The following UBR3 variants were observed in gnomAD, a reference collection of about 807,000 sequenced individuals.
UBR3 encodes the protein ubiquitin protein ligase E3 component n-recognin 3, also known as E3 ubiquitin-protein ligase UBR3.
A neutral mutation model predicts 243.2 loss-of-function variants in UBR3; 85 were observed. The ratio of observed to expected loss-of-function variants is 0.35; its 90% confidence interval spans 0.29 to 0.42. UBR3 has a LOEUF of 0.42. UBR3 is among the 10% of genes least tolerant of loss of function. The pLI is 1.00. For missense variants in UBR3, 1,686 were observed against 2,300.8 expected, an observed-to-expected ratio of 0.73 and a Z score of 5.47; for synonymous variants, 748 against 799.8, an observed-to-expected ratio of 0.94 and a Z score of 1.09.
At chr2:169,983,808 C>T (rs1186662801) in intron 24 of UBR3, among the ~76,000 whole-genome samples, 2 of 152,078 alleles carry the variant, frequency 1.3e-5, no homozygotes, top group African/African-American at 4.8e-5. Flanking sequence ...TTAACTATTG[C>T]TTTAGTTATC....
At chr2:169,829,769 T>A (rs560501486) in intron 1 of UBR3, among the ~76,000 whole-genome samples, 1 of 152,010 alleles carries the variant, frequency 6.6e-6, no homozygotes, top group Non-Finnish European at 1.5e-5. Context: ...TAAAAGTACT[T>A]TTTAAAATTT....
At chr2:169,933,904 CA>C (rs34033756) in intron 19 of UBR3, among the ~76,000 whole-genome samples, 2 of 152,118 alleles carry the variant, frequency 1.3e-5, no homozygotes, top group Non-Finnish European at 2.9e-5. Context: ...ACAACAACAA[CA>C]ACCCAGTTCA....
chr2:169,946,445 C>T, intron 21 of UBR3, 53 bp downstream of exon 21: 3 of 990,414 alleles, frequency 3.0e-6, no homozygotes, highest in Non-Finnish European at 4.4e-6. Flanking sequence ...CTATCTGGCT[C>T]CAACCAATTG....
chr2:169,909,519 A>T (rs2085166230), intron 10 of UBR3, among the ~76,000 whole-genome samples: 1 of 152,122 alleles, frequency 6.6e-6, no homozygotes, highest in Non-Finnish European at 1.5e-5. Flanking sequence ...GGAAATGGGG[A>T]GATTTTGACT....
At chr2:170,063,089 A>G (rs2091485757) in intron 35 of UBR3, among the ~76,000 whole-genome samples, 1 of 152,178 alleles carries the variant, frequency 6.6e-6, no homozygotes, top group South Asian at 2.1e-4. Context: ...TGAAGAATAG[A>G]CAGATGGGAA....
chr2:170,054,203 C>T (rs1351780905), intron 32 of UBR3, among the ~76,000 whole-genome samples: 1 of 151,872 alleles, frequency 6.6e-6, no homozygotes, highest in East Asian at 1.9e-4. Context: ...TCTTGGATTA[C>T]TATAGCCTTC....
At chr2:170,005,020 G>A (rs1205798614) in intron 27 of UBR3, among the ~76,000 whole-genome samples, 2 of 152,130 alleles carry the variant, frequency 1.3e-5, no homozygotes, top group African/African-American at 4.8e-5. Flanking sequence ...TCAGGAGATC[G>A]AGACCATCCT....
intron 1 of UBR3, among the ~76,000 whole-genome samples, chr2:169,831,218 G>A (rs138236036): frequency 3.0e-4 from 39 of 131,160 alleles, no homozygotes; most frequent in African/African-American, 1.1e-3. Context: ...TTGGCTCACC[G>A]CAACCTCTGC....
chr2:169,845,615 G>A (rs1489746953), intron 1 of UBR3, among the ~76,000 whole-genome samples: 2 of 144,580 alleles, frequency 1.4e-5, no homozygotes, highest in South Asian at 2.2e-4. Context: ...ATGGGGTCTC[G>A]CTCTGTCACC....
At chr2:169,858,896 G>A (rs1218527523) in intron 1 of UBR3, among the ~76,000 whole-genome samples, 1 of 151,990 alleles carries the variant, frequency 6.6e-6, no homozygotes, top group Admixed American at 6.6e-5. Context: ...CATTGTGCCC[G>A]GCCTCATTTA....
chr2:170,080,044 C>A lies in UBR3; in HGVS notation c.5409+21C>A, dbSNP rs549986600. ...TACTGGTAAGCAATAGTAGATAATACAAAATTTATGAAAACACAGATCTCA... is the reference window on the plus strand; with the variant it reads ...TACTGGTAAGCAATAGTAGATAATAAAAAATTTATGAAAACACAGATCTCA... On this transcript the variant is annotated intron_variant, in intron 37 of 38. Transcript: ENST00000272793. 2.5e-6 allele frequency: 4 copies of A among 1,590,932 alleles called. No individual in the cohort carries two copies. In the East Asian group the frequency reaches 6.7e-5, roughly 27 times the overall value.
At chr2:169,979,622 A>G (rs1202293034) in intron 24 of UBR3, among the ~76,000 whole-genome samples, 2 of 152,216 alleles carry the variant, frequency 1.3e-5, no homozygotes, top group Non-Finnish European at 2.9e-5. Flanking sequence ...TCTTAAATAC[A>G]TACCGCTTAG....
chr2:170,017,949 A>G (rs2090293205), intron 30 of UBR3, among the ~76,000 whole-genome samples: 1 of 152,214 alleles, frequency 6.6e-6, no homozygotes, highest in Non-Finnish European at 1.5e-5. Context: ...TTTCATAGAA[A>G]AGGAATCTCA....
intron 5 of UBR3, among the ~76,000 whole-genome samples, chr2:169,881,815 A>G (rs1344625609): frequency 7.2e-6 from 1 of 138,742 alleles, no homozygotes; most frequent in Non-Finnish European, 1.5e-5. Context: ...TATAATATAC[A>G]TATAATTATA....
Position 169,891,249 on chromosome 2 carries a change from T to C in UBR3, c.1105+18T>C. 1 of 1,537,294 alleles carries C rather than the reference T, an allele frequency of 6.5e-7. No individual in the cohort carries two copies. Among genetic ancestry groups the C allele is most frequent in the Non-Finnish European group, 8.8e-7 (1 of 1,136,994 alleles). Reference sequence around the variant, plus strand: ...CACCAAAGGTATTTGTATTTATTATTATTTTTTTCCTTGAATAAAATGCTT... The same window carrying C: ...CACCAAAGGTATTTGTATTTATTATCATTTTTTTCCTTGAATAAAATGCTT... On this transcript the variant is annotated intron_variant, in intron 6 of 38. Coordinates refer to ENST00000272793, the MANE Select transcript of UBR3 (RefSeq NM_172070.4).
intron 10 of UBR3, among the ~76,000 whole-genome samples, chr2:169,906,919 C>T (rs2085032014): frequency 6.6e-6 from 1 of 152,074 alleles, no homozygotes; most frequent in Non-Finnish European, 1.5e-5. Context: ...TTCCATCTAC[C>T]ACTTAAGCGT....
At chr2:170,069,321 G>C (rs2091646635) in intron 35 of UBR3, among the ~76,000 whole-genome samples, 1 of 151,914 alleles carries the variant, frequency 6.6e-6, no homozygotes, top group Admixed American at 6.6e-5. Flanking sequence ...TAAATATTAA[G>C]GACAAGTAAA....
intron 23 of UBR3, among the ~76,000 whole-genome samples, chr2:169,957,752 A>G (rs2087375297): frequency 6.6e-6 from 1 of 152,190 alleles, no homozygotes; most frequent in African/African-American, 2.4e-5. Flanking sequence ...GAAAAAAAAT[A>G]TTCTTTGGAA....
At chr2:170,021,373 C>G (rs1009338008) in intron 30 of UBR3, among the ~76,000 whole-genome samples, 2 of 152,122 alleles carry the variant, frequency 1.3e-5, no homozygotes, top group Non-Finnish European at 2.9e-5. Context: ...AGTCTAAGAT[C>G]AAGGCTCCAG....
Sources: gnomAD v4.1 joint callset for allele counts (sites outside exome capture counted in the v4.1 genomes callset) on GRCh38, gnomAD v4.1.1 for gene constraint, MANE v1.5 for transcripts, NCBI Gene and HGNC (gene_info 2026-07-23, HGNC 2026-07-21) for gene names.